Variants in PPP5C observed in about 807,000 individuals in gnomAD.
PPP5C encodes protein phosphatase 5 catalytic subunit.
A neutral mutation model predicts 66.7 loss-of-function variants in PPP5C; 21 were observed. The ratio of observed to expected loss-of-function variants is 0.31; its 90% CI spans 0.22 to 0.45. The LOEUF is 0.45. Ranked by LOEUF, PPP5C falls within the 20% of genes least tolerant of loss-of-function variation. The probability of loss-of-function intolerance (pLI) is 1.00; values close to 1 mark genes in which losing one functional copy is unlikely to be tolerated. For synonymous variants in PPP5C, 246 were observed against 257.4 expected (o/e 0.96, Z 0.43); for missense variants, 464 against 675.9 (o/e 0.69, Z 3.48).
intron 4 of PPP5C, among the ~76,000 whole-genome samples, chr19:46,381,014 A>G (rs1473530926): frequency 6.6e-6 from 1 of 152,148 alleles, no homozygotes; most frequent in Non-Finnish European, 1.5e-5. Flanking sequence ...ACTATTTGAT[A>G]CTATTCCTTA....
rs779611110 is a variant in PPP5C at position 46,383,565 on chromosome 19, C to T, written c.699+89C>T. 187 of 1,336,232 alleles carry T rather than the reference C, an allele frequency of 1.4e-4. No individual in the cohort carries two copies. The highest frequency in any genetic ancestry group is 1.8e-4 in the Non-Finnish European group (179 of 970,050). The allele number at this position is 1,336,232 out of a possible 1,614,324, so 82.8% of individuals were successfully genotyped here. The stretch of plus-strand genomic sequence containing the variant: ...CACAGAGCTCAGGAACTCACGGATC[C>T]ACCTCCCTCTCTCCCTCACACCCCA... On this transcript the variant is annotated intron_variant, in intron 5 of 12. Transcript: ENST00000012443. The surrounding 1 kb of genome is among the most constrained non-coding windows in gnomAD (Gnocchi z 5.0).
At chr19:46,347,663 T>G (rs1601405679) in intron 1 of PPP5C, among the ~76,000 whole-genome samples, 1 of 123,396 alleles carries the variant, frequency 8.1e-6, no homozygotes, top group African/African-American at 3.2e-5. Context: ...AATGGATCAT[T>G]AGATGGGGGG....
Position 46,389,197 on chromosome 19 carries a change from A to G in PPP5C, c.1355+466A>G, listed in dbSNP as rs191962510. 7.6e-4 allele frequency among the ~76,000 whole-genome samples: 115 copies of G among 151,658 alleles called. 1 individual carries two copies. In the East Asian group the frequency reaches 0.021, roughly 28 times the overall value. On this transcript the variant is annotated intron_variant, in intron 11 of 12. Coordinates refer to ENST00000012443, the MANE Select transcript of PPP5C (RefSeq NM_006247.4). ...AAATTAGCAGGGCGTGGTGGCACAC[A>G]CCCGTAATCCCAGCTACTCAGGAGG...
chr19:46,374,256 C>G (rs1439461850), intron 2 of PPP5C, among the ~76,000 whole-genome samples: 2 of 152,172 alleles, frequency 1.3e-5, no homozygotes, highest in African/African-American at 2.4e-5. Flanking sequence ...CCCCCTGCTT[C>G]TGTCACACCA....
At chr19:46,384,058 C>T (rs1972841951) in intron 6 of PPP5C, 180 bp downstream of exon 6, 1 of 603,444 alleles carries the variant, frequency 1.7e-6, no homozygotes, top group East Asian at 2.8e-5. Context: ...CCCCAGGCTC[C>T]AGGCTCGGAC....
intron 2 of PPP5C, among the ~76,000 whole-genome samples, chr19:46,357,422 T>C (rs763349389): frequency 2.0e-5 from 3 of 152,020 alleles, no homozygotes; most frequent in Non-Finnish European, 4.4e-5. Context: ...CGAAAGGGAG[T>C]GGAGGTCTCT....
intron 2 of PPP5C, among the ~76,000 whole-genome samples, chr19:46,360,273 T>C (rs1303568746): frequency 1.3e-5 from 2 of 152,078 alleles, no homozygotes; most frequent in African/African-American, 2.4e-5. Context: ...TAGAAATCTG[T>C]ACAATTTTGG....
At chr19:46,389,362 AACACACACACACACACACAC>A (rs57181889) in intron 11 of PPP5C, among the ~76,000 whole-genome samples, 495 of 97,840 alleles carry the variant, frequency 5.1e-3, no homozygotes, top group Admixed American at 7.5e-3. Flanking sequence ...TCCATCTCAA[AACACACACACACACACACAC>A]ACACACACAC....
chr19:46,361,129 ATT>A (rs59090221), intron 2 of PPP5C, among the ~76,000 whole-genome samples: 3 of 140,248 alleles, frequency 2.1e-5, no homozygotes, highest in African/African-American at 5.3e-5. Flanking sequence ...GTGAAAGAAA[ATT>A]TTTTTTTTTT....
At chr19:46,353,130 C>T (rs1389847708) in intron 1 of PPP5C, among the ~76,000 whole-genome samples, 1 of 152,212 alleles carries the variant, frequency 6.6e-6, no homozygotes, top group Non-Finnish European at 1.5e-5. Flanking sequence ...TGAGCAAGAC[C>T]TCCATGGCTT....
chr19:46,357,716 G>A (rs1365274165), intron 2 of PPP5C, among the ~76,000 whole-genome samples: 2 of 152,188 alleles, frequency 1.3e-5, no homozygotes, highest in Non-Finnish European at 2.9e-5. Context: ...ACATTTACCA[G>A]CTTATTATAA....
chr19:46,353,998 G>A lies in PPP5C; in HGVS notation c.363+9G>A. ...TGCGAGACTACGAGACGGTGAGCTG[G>A]GGAGTGGGCCAGGCCTGGCACCTGA... On this transcript the variant is annotated intron_variant, in intron 2 of 12. Transcript: ENST00000012443. 3 of 1,610,518 alleles carry A rather than the reference G, an allele frequency of 1.9e-6. No individual in the cohort carries two copies. Among genetic ancestry groups the A allele is most frequent in the Non-Finnish European group, 1.7e-6 (2 of 1,179,338 alleles).
Position 46,347,135 on chromosome 19 carries a change from G to T in PPP5C, c.39G>T (p.Glu13Asp), listed in dbSNP as rs376984861. 1.1e-5 allele frequency: 17 copies of T among 1,604,582 alleles called. No individual in the cohort carries two copies. Among genetic ancestry groups the T allele is most frequent in the Admixed American group, 5.1e-5 (3 of 58,682 alleles). ...MAEGERTECAEPPRDEPPADG... is the reference protein window; with the variant it reads ...MAEGERTECADPPRDEPPADG... ...AGGGCGAGAGGACTGAGTGTGCTGA[G>T]CCCCCCCGGGACGAACCCCCGGCTG... The change falls in exon 1 of 13, where the codon GAG (glutamate) becomes GAT (aspartate). Residue 13 changes from glutamate to aspartate, a missense_variant. This residue lies in a region of PPP5C where 77 missense variants were observed against 49.9 expected (regional missense o/e 1.54). Coordinates refer to ENST00000012443, the MANE Select transcript of PPP5C (RefSeq NM_006247.4).
intron 7 of PPP5C, among the ~76,000 whole-genome samples, chr19:46,386,469 AG>A (rs113815217): frequency 0.22 from 33,834 of 151,926 alleles, 4,338 homozygotes; most frequent in Non-Finnish European, 0.3. Flanking sequence ...TCAGACAAGC[AG>A]AGTCTGAGCA....
intron 11 of PPP5C, among the ~76,000 whole-genome samples, chr19:46,389,278 T>C (rs931964702): frequency 6.6e-6 from 1 of 151,274 alleles, no homozygotes; most frequent in Non-Finnish European, 1.5e-5. Flanking sequence ...GAGCTGAGAT[T>C]GCACCACTGC....
intron 2 of PPP5C, among the ~76,000 whole-genome samples, chr19:46,371,450 T>A (rs1450205956): frequency 2.0e-5 from 3 of 152,178 alleles, no homozygotes; most frequent in African/African-American, 7.2e-5. Flanking sequence ...TCTTCACGGC[T>A]ACCCTGCGCA....
At chr19:46,387,750 G>C in intron 9 of PPP5C, 2 of 1,332,850 alleles carry the variant, frequency 1.5e-6, no homozygotes, top group Non-Finnish European at 1.9e-6. Flanking sequence ...AGGTCTTGGG[G>C]CTCCTGTGCT....
chr19:46,371,721 C>G (rs1431069312), intron 2 of PPP5C, among the ~76,000 whole-genome samples: 1 of 152,224 alleles, frequency 6.6e-6, no homozygotes, highest in Non-Finnish European at 1.5e-5. Flanking sequence ...AACTAACCCA[C>G]TAGGGTAAAA....
chr19:46,386,910 T>C, intron 7 of PPP5C, 183 bp from the exon 8 acceptor site: 1 of 797,958 alleles, frequency 1.3e-6, no homozygotes, highest in South Asian at 1.7e-5. Flanking sequence ...TGCTTAGCCA[T>C]GGACCTACTT....
Sources: gnomAD v4.1 joint callset for allele counts (sites outside exome capture counted in the v4.1 genomes callset) on GRCh38, gnomAD v4.1.1 for gene constraint, gnomAD v4.1.1 regional missense constraint, Gnocchi (gnomAD v3.1) non-coding constraint, MANE v1.5 for transcripts, NCBI Gene and HGNC (gene_info 2026-07-23, HGNC 2026-07-21) for gene names.